CTNND2: variants seen among roughly 807,000 people sequenced by gnomAD.
The protein encoded by CTNND2 is catenin delta-2.
Under a neutral mutation model 144.4 loss-of-function variants are expected in CTNND2, and 22 were observed. The ratio of observed to expected loss-of-function variants is 0.15; its 90% CI spans 0.11 to 0.22. The LOEUF is 0.22. CTNND2 is among the 10% of genes least tolerant of loss of function. The pLI is 1.00. For synonymous variants in CTNND2, 751 were observed against 695.6 expected (o/e 1.08, Z -1.25); for missense variants, 1,353 against 1,618.8 (o/e 0.84, Z 2.82).
At chr5:11,392,668 CACA>C (rs1373483265) in intron 6 of CTNND2, among the ~76,000 whole-genome samples, 1 of 152,208 alleles carries the variant, frequency 6.6e-6, no homozygotes, top group Non-Finnish European at 1.5e-5. Flanking sequence ...AATAGGGATT[CACA>C]ACAGAGAGTC....
chr5:11,178,974 A>G (rs1760741432), intron 11 of CTNND2, among the ~76,000 whole-genome samples: 1 of 152,244 alleles, frequency 6.6e-6, no homozygotes, highest in Admixed American at 6.5e-5. Flanking sequence ...GACAGTGCAT[A>G]TATTTTACAA....
At chr5:11,436,668 A>C (rs1763803807) in intron 3 of CTNND2, among the ~76,000 whole-genome samples, 1 of 152,250 alleles carries the variant, frequency 6.6e-6, no homozygotes, top group Non-Finnish European at 1.5e-5. Flanking sequence ...TCACATTAGA[A>C]GTTAAAGCCT....
rs537170304 is a variant in CTNND2, at chr5:11,600,655, A to G, written c.175-35599T>C. Among the ~76,000 whole-genome samples, 7 of 150,864 alleles carry G rather than the reference A, an allele frequency of 4.6e-5. No homozygotes were observed. In the South Asian group the frequency reaches 1.3e-3, roughly 28 times the overall value. On this transcript the variant is annotated intron_variant, in intron 2 of 21. Transcript: ENST00000304623. ...TGGGAGGCAGAGGTTCCAATAAGCC[A>G]AGATCACACCAATGCACTCCAGCCT...
intron 3 of CTNND2, among the ~76,000 whole-genome samples, chr5:11,500,057 G>A (rs1427127796): frequency 6.6e-6 from 1 of 152,038 alleles, no homozygotes; most frequent in East Asian, 1.9e-4. Flanking sequence ...TGAAGAGTAC[G>A]ATCAATGAAG....
At chr5:11,117,036 C>G (rs1328241652) in intron 13 of CTNND2, among the ~76,000 whole-genome samples, 2 of 151,020 alleles carry the variant, frequency 1.3e-5, no homozygotes, top group African/African-American at 2.4e-5. Context: ...TCCTGGGTGA[C>G]AGAGCCTGGG....
At chr5:11,056,475 T>A (rs1482741348) in intron 16 of CTNND2, among the ~76,000 whole-genome samples, 1 of 152,240 alleles carries the variant, frequency 6.6e-6, no homozygotes, top group Non-Finnish European at 1.5e-5. Flanking sequence ...ATTTTAAAAA[T>A]TATTATTTTG....
chr5:11,093,716 C>A (rs1224393615), intron 15 of CTNND2, among the ~76,000 whole-genome samples: 1 of 152,274 alleles, frequency 6.6e-6, no homozygotes, highest in East Asian at 1.9e-4. Context: ...AGAAATACCA[C>A]TAAATTTTAA....
intron 1 of CTNND2, among the ~76,000 whole-genome samples, chr5:11,835,318 A>G (rs1165471680): frequency 6.6e-6 from 1 of 152,150 alleles, no homozygotes; most frequent in East Asian, 1.9e-4. Context: ...GGCCTCATAA[A>G]ATGAGTTGGG....
intron 12 of CTNND2, among the ~76,000 whole-genome samples, chr5:11,131,831 C>T (rs1755640707): frequency 6.6e-6 from 1 of 151,844 alleles, no homozygotes; most frequent in African/African-American, 2.4e-5. Context: ...TTCAATTCAT[C>T]CCCTAATTCC....
chr5:11,238,096 T>A (rs1741833896), intron 9 of CTNND2, among the ~76,000 whole-genome samples: 1 of 152,190 alleles, frequency 6.6e-6, no homozygotes, highest in Non-Finnish European at 1.5e-5. Context: ...TCTAAAACAT[T>A]ATCTTGATTG....
intron 9 of CTNND2, among the ~76,000 whole-genome samples, chr5:11,257,569 C>T (rs1744395484): frequency 6.6e-6 from 1 of 152,170 alleles, no homozygotes; most frequent in Non-Finnish European, 1.5e-5. Context: ...ACCATCAGAT[C>T]TCCTGAGAAC....
chr5:11,658,442 C>A (rs1783023004), intron 2 of CTNND2, among the ~76,000 whole-genome samples: 1 of 152,096 alleles, frequency 6.6e-6, no homozygotes, highest in Non-Finnish European at 1.5e-5. Flanking sequence ...CATTCTGAAT[C>A]TATCTGTTGT....
intron 3 of CTNND2, among the ~76,000 whole-genome samples, chr5:11,528,263 A>G (rs1258493667): frequency 6.6e-6 from 1 of 152,170 alleles, no homozygotes. Context: ...TCACAGGCAC[A>G]GAAGCTTTTG....
intron 16 of CTNND2, among the ~76,000 whole-genome samples, chr5:11,065,413 C>T (rs183250763): frequency 3.0e-4 from 46 of 152,354 alleles, no homozygotes; most frequent in African/African-American, 1.1e-3. Context: ...CCCCAGGAGC[C>T]CTGATACTTT....
intron 10 of CTNND2, among the ~76,000 whole-genome samples, chr5:11,228,036 C>T (rs1029829494): frequency 6.6e-6 from 1 of 152,052 alleles, no homozygotes; most frequent in Non-Finnish European, 1.5e-5. Flanking sequence ...TCATGCCTAA[C>T]ACATGGTATT....
At chr5:11,114,896 T>C (rs1580326952) in intron 13 of CTNND2, among the ~76,000 whole-genome samples, 1 of 148,716 alleles carries the variant, frequency 6.7e-6, no homozygotes, top group Non-Finnish European at 1.5e-5. Flanking sequence ...ACAATAATAA[T>C]ACATTAAAAC....
chr5:11,104,002 CCACCTGT>C (rs1752169368), intron 14 of CTNND2, among the ~76,000 whole-genome samples: 1 of 152,208 alleles, frequency 6.6e-6, no homozygotes, highest in South Asian at 2.1e-4. Flanking sequence ...GCTCCTCTTT[CCACCTGT>C]CACAGGCTTC....
At chr5:11,682,206 C>T (rs781730075) in intron 2 of CTNND2, among the ~76,000 whole-genome samples, 1 of 152,242 alleles carries the variant, frequency 6.6e-6, no homozygotes, top group Non-Finnish European at 1.5e-5. Flanking sequence ...TATGCTCTTC[C>T]TAGACTCTCA....
chr5:11,212,825 CAG>C (rs1738777191), intron 10 of CTNND2, among the ~76,000 whole-genome samples: 1 of 152,100 alleles, frequency 6.6e-6, no homozygotes. Context: ...AGGTAAGAGA[CAG>C]GGAGCGTGGG....
Sources: gnomAD v4.1 joint callset for allele counts (sites outside exome capture counted in the v4.1 genomes callset) on GRCh38, gnomAD v4.1.1 for gene constraint, MANE v1.5 for transcripts, NCBI Gene and HGNC (gene_info 2026-07-23, HGNC 2026-07-21) for gene names.